Variants in LAMA4 observed in about 807,000 individuals in gnomAD.
The protein encoded by LAMA4 is laminin subunit alpha-4.
A neutral mutation model predicts 207.1 loss-of-function variants in LAMA4; 127 were observed. The observed-to-expected ratio is 0.61, with a 90% CI of 0.53 to 0.71. LAMA4 has a LOEUF of 0.71. Ranked by LOEUF, LAMA4 falls within the 30% of genes least tolerant of loss-of-function variation. The pLI, the probability that LAMA4 is intolerant of heterozygous loss-of-function variation, is 0.00. For missense variants in LAMA4, 2,093 were observed against 2,246.5 expected (o/e 0.93, Z 1.38); for synonymous variants, 761 against 816.0 (o/e 0.93, Z 1.15).
chr6:112,200,209 G>C (rs1472681937), intron 5 of LAMA4: 1 of 520,558 alleles, frequency 1.9e-6, no homozygotes, highest in Admixed American at 2.1e-5. Context: ...GAGCAGTTTA[G>C]AAAAAGAGAG....
chr6:112,173,587 G>T (rs1012662681), intron 11 of LAMA4, among the ~76,000 whole-genome samples: 11 of 152,292 alleles, frequency 7.2e-5, no homozygotes, highest in Admixed American at 7.2e-4. Flanking sequence ...GACAAGCTTG[G>T]AAACATCTGG....
At position 112,165,460 on chromosome 6, in the gene LAMA4, T is replaced by C. The variant is rs76037699; in HGVS notation, c.1552-184A>G. Reference sequence around the variant, plus strand: ...TTTGATGCTGCTTTCTCATTTATAATACAGAGATAACAACAGTAAGAATCT... The same window carrying C: ...TTTGATGCTGCTTTCTCATTTATAACACAGAGATAACAACAGTAAGAATCT... On this transcript the variant is annotated intron_variant, in intron 12 of 38. Transcript: ENST00000230538. Among the ~76,000 whole-genome samples the C allele has an allele frequency of 4.9e-3, 742 of 152,330 alleles. 1 individual carries two copies. Among genetic ancestry groups the C allele is most frequent in the Non-Finnish European group, 7.7e-3 (527 of 68,030 alleles).
At chr6:112,242,326 C>T (rs1786576178) in intron 2 of LAMA4, among the ~76,000 whole-genome samples, 1 of 152,150 alleles carries the variant, frequency 6.6e-6, no homozygotes, top group South Asian at 2.1e-4. Context: ...CTGAAGTACA[C>T]ATTTTCAGGT....
At chr6:112,252,687 T>C (rs1787542757) in intron 2 of LAMA4, among the ~76,000 whole-genome samples, 1 of 152,220 alleles carries the variant, frequency 6.6e-6, no homozygotes, top group South Asian at 2.1e-4. Flanking sequence ...GGACTTTACG[T>C]GCTCAAAGCA....
chr6:112,254,307 G>C lies in LAMA4; in HGVS notation c.-141-16C>G. 1.2e-6 allele frequency: 1 copy of C among 845,838 alleles called. No individual in the cohort carries two copies. 52.4% of individuals were successfully genotyped at this position (845,838 alleles called of 1,614,324 possible). On this transcript the variant is annotated splice_polypyrimidine_tract_variant and intron_variant, in intron 1 of 38. Coordinates refer to ENST00000230538, the MANE Select transcript of LAMA4 (RefSeq NM_001105206.3). ...CAACCAGCAGCTTAGGAAATAAAGG[G>C]AAAGTGCGAGAGTAAGGGAGAGTTC...
In LAMA4 at chr6:112,141,476, T is replaced by C. The variant is rs1779690764; in HGVS notation, c.2695A>G (p.Ile899Val). The C allele has an allele frequency of 6.2e-7, 1 of 1,610,006 alleles. No individual in the cohort carries two copies. The highest frequency in any genetic ancestry group is 1.3e-5 in the African/African-American group (1 of 74,952). Residue 899 changes from isoleucine (I) to valine (V), a missense_variant, in exon 21 of 39, where the codon ATC (isoleucine) becomes GTC (valine). Ile to Val is a conservative substitution (Grantham distance 29). Coordinates refer to ENST00000230538, the MANE Select transcript of LAMA4 (RefSeq NM_001105206.3). ...NAKKEYMGLA[I>V]KNDNLVYVYN... ...ACGTATACCAGATTATCATTTTTGA[T>C]TGCAAGACCCATATACTCTTTTTTG...
At chr6:112,197,649 A>C (rs781890739) in intron 5 of LAMA4, among the ~76,000 whole-genome samples, 109 of 152,334 alleles carry the variant, frequency 7.2e-4, no homozygotes, top group Admixed American at 2.1e-3. Context: ...TAATTCAATA[A>C]TTGATGTTGT....
At chr6:112,237,647 C>A (rs1786031149) in intron 2 of LAMA4, among the ~76,000 whole-genome samples, 2 of 152,236 alleles carry the variant, frequency 1.3e-5, no homozygotes, top group African/African-American at 4.8e-5. Context: ...AAGGTCTCTG[C>A]AGAGACTTCT....
intron 24 of LAMA4, 85 bp from the exon 25 acceptor site, chr6:112,136,339 A>G: frequency 1.9e-6 from 2 of 1,041,902 alleles, no homozygotes; most frequent in East Asian, 5.0e-5. Flanking sequence ...ATAAGACTGT[A>G]TTCTTTATTA....
At chr6:112,225,584 C>G (rs782656074) in intron 2 of LAMA4, among the ~76,000 whole-genome samples, 16 of 151,994 alleles carry the variant, frequency 1.1e-4, no homozygotes, top group Non-Finnish European at 2.2e-4. Flanking sequence ...TATGAAGTAC[C>G]ACAGAGATTA....
chr6:112,156,849 C>G (rs1302906869), intron 14 of LAMA4, among the ~76,000 whole-genome samples: 5 of 152,214 alleles, frequency 3.3e-5, no homozygotes, highest in African/African-American at 9.6e-5. Context: ...GGCTACTTCC[C>G]TCTCTGTTAA....
chr6:112,142,028 G>A (rs1779726270), intron 20 of LAMA4, 91 bp downstream of exon 20: 1 of 1,345,244 alleles, frequency 7.4e-7, no homozygotes, highest in African/African-American at 1.4e-5. Flanking sequence ...CATTGTTTTG[G>A]TTTGTTTGCC....
rs1554351003 is a variant in LAMA4, at chr6:112,197,961, T to C, written c.503+3647A>G. On this transcript the variant is annotated intron_variant, in intron 5 of 38. Transcript: ENST00000230538. ...ATGAATGTTTTCCTTAAAGTTATTA[T>C]TAAAATTAAACATAAAATTAGGAAA... is the stretch of plus-strand genomic sequence containing the variant. 2.0e-5 allele frequency among the ~76,000 whole-genome samples: 3 copies of C among 152,208 alleles called. No homozygotes were observed. The East Asian group carries it at 5.8e-4, about 29-fold the overall frequency.
Position 112,136,195 on chromosome 6 carries a change from T to C in LAMA4, c.3342A>G (p.Gly1114=), listed in dbSNP as rs782127310. The change falls in exon 25 of 39, where the codon GGA becomes GGG. Residue 1114 remains glycine (G), a synonymous_variant. Coordinates refer to ENST00000230538, the MANE Select transcript of LAMA4 (RefSeq NM_001105206.3). Reference sequence around the variant, plus strand: ...CAAGATGCACAGGGCCACCGCTGAATCCAAAATCATAGAACACATGTAGGT... The same window carrying C: ...CAAGATGCACAGGGCCACCGCTGAACCCAAAATCATAGAACACATGTAGGT... ...NGYLHVFYDF[G]FSGGPVHLED... The C allele has an allele frequency of 5.0e-6, 8 of 1,612,518 alleles. No homozygotes were observed. In the East Asian group the frequency reaches 1.3e-4, roughly 27 times the overall value.
At chr6:112,132,462 A>G (rs1441186676) in intron 28 of LAMA4, among the ~76,000 whole-genome samples, 1 of 152,170 alleles carries the variant, frequency 6.6e-6, no homozygotes, top group African/African-American at 2.4e-5. Context: ...AAAATGATCA[A>G]TTTCAGTGAG....
In LAMA4 at chr6:112,176,892, G is replaced by A. The variant is rs1554343957; in HGVS notation, c.1189+1229C>T. Among the ~76,000 whole-genome samples, 20 of 152,068 alleles carry A rather than the reference G, an allele frequency of 1.3e-4. 1 individual carries two copies. On this transcript the variant is annotated intron_variant, in intron 10 of 38. Coordinates refer to ENST00000230538, the MANE Select transcript of LAMA4 (RefSeq NM_001105206.3). ...TTTGCATTTTTTCATCTTTTCCCAT[G>A]CTTAAAGGATCAAATAAGAGGGTTC... is the stretch of plus-strand genomic sequence containing the variant.
chr6:112,185,475 C>T, intron 8 of LAMA4, 128 bp from the exon 9 acceptor site: 2 of 677,750 alleles, frequency 3.0e-6, no homozygotes, highest in South Asian at 1.7e-5. Flanking sequence ...TAGTGGGGTC[C>T]GCAGGCTGCT....
At chr6:112,142,434 T>C (rs1325493663) in intron 19 of LAMA4, 142 bp from the exon 20 acceptor site, 3 of 800,172 alleles carry the variant, frequency 3.7e-6, no homozygotes, top group Non-Finnish European at 6.4e-6. Flanking sequence ...CTCCCCTAGT[T>C]GAAGAGAAGA....
rs188823804 is a variant in LAMA4 at position 112,244,718 on chromosome 6, G to A, written c.195+9238C>T. Among the ~76,000 whole-genome samples the A allele has an allele frequency of 5.3e-5, 8 of 152,212 alleles. No individual in the cohort carries two copies. The East Asian group carries it at 5.8e-4, about 11-fold the overall frequency. ...ACCCACACCTCCCCTCTCTTCTCAC[G>A]TACAAAATGAGAGAGTTGAATCTCT... On this transcript the variant is annotated intron_variant, in intron 2 of 38. Coordinates refer to ENST00000230538, the MANE Select transcript of LAMA4 (RefSeq NM_001105206.3).
Sources: allele counts gnomAD v4.1 joint callset (sites outside exome capture counted in the v4.1 genomes callset), GRCh38; gene constraint gnomAD v4.1.1; transcripts MANE v1.5; gene names NCBI Gene and HGNC (gene_info 2026-07-23, HGNC 2026-07-21).